Variants in DTNB observed in about 807,000 individuals in gnomAD.
DTNB encodes dystrobrevin beta.
In DTNB, 63 loss-of-function variants were observed where a neutral mutation model predicts 90.7. The observed-to-expected ratio is 0.69, with a 90% CI of 0.57 to 0.86. The LOEUF is 0.86. Among genes scored for constraint, DTNB ranks in the 40% least tolerant of loss-of-function variants. The pLI, the probability that DTNB is intolerant of heterozygous loss-of-function variation, is 0.00. For missense variants in DTNB, 744 were observed against 807.1 expected (o/e 0.92, Z 0.95); for synonymous variants, 277 against 286.7 (o/e 0.97, Z 0.34).
chr2:25,409,978 C>T (rs2046189019), intron 16 of DTNB, among the ~76,000 whole-genome samples: 1 of 152,246 alleles, frequency 6.6e-6, no homozygotes, highest in African/African-American at 2.4e-5. Flanking sequence ...CCCCTCCTAA[C>T]CCAGATCATG....
chr2:25,487,967 T>A (rs2066539289), intron 9 of DTNB, among the ~76,000 whole-genome samples: 1 of 152,166 alleles, frequency 6.6e-6, no homozygotes, highest in Non-Finnish European at 1.5e-5. Flanking sequence ...TTTTAAAAGC[T>A]CACTCCAGAA....
chr2:25,501,090 T>C (rs2070541979), intron 9 of DTNB, among the ~76,000 whole-genome samples: 1 of 151,962 alleles, frequency 6.6e-6, no homozygotes, highest in Non-Finnish European at 1.5e-5. Context: ...AAATAACCAA[T>C]TAGAGGCTTT....
chr2:25,551,560 T>C (rs895683342), intron 8 of DTNB, among the ~76,000 whole-genome samples: 3 of 152,228 alleles, frequency 2.0e-5, no homozygotes, highest in African/African-American at 7.2e-5. Flanking sequence ...CAGGCAGTGT[T>C]AGCGGTTCCC....
intron 1 of DTNB, among the ~76,000 whole-genome samples, chr2:25,653,511 CTTTCTTTT>C (rs1307616609): frequency 1.9e-4 from 16 of 82,816 alleles, no homozygotes; most frequent in African/African-American, 6.9e-4. Context: ...TTCTTTCTTT[CTTTCTTTT>C]TTTTTTTTTT....
At chr2:25,614,236 G>A (rs1055277641) in intron 4 of DTNB, among the ~76,000 whole-genome samples, 2 of 152,142 alleles carry the variant, frequency 1.3e-5, no homozygotes, top group Non-Finnish European at 2.9e-5. Context: ...ACTCAGTGAA[G>A]AAAGACTGAG....
chr2:25,404,097 C>T (rs1323583591), intron 16 of DTNB, among the ~76,000 whole-genome samples: 9 of 152,162 alleles, frequency 5.9e-5, no homozygotes, highest in African/African-American at 9.7e-5. Context: ...ACACTTGGCT[C>T]CATAGAGTGA....
chr2:25,394,390 A>C (rs954452364), intron 16 of DTNB, among the ~76,000 whole-genome samples: 1 of 152,200 alleles, frequency 6.6e-6, no homozygotes, highest in African/African-American at 2.4e-5. Flanking sequence ...AGATAAATAG[A>C]TGGGACTTAA....
intron 8 of DTNB, among the ~76,000 whole-genome samples, chr2:25,562,340 T>C (rs890518170): frequency 6.6e-6 from 1 of 152,334 alleles, no homozygotes; most frequent in Admixed American, 6.5e-5. Context: ...TTGATGGACA[T>C]TTGGGTTATT....
At chr2:25,380,965 A>T (rs1002068502) in intron 19 of DTNB, among the ~76,000 whole-genome samples, 1 of 152,228 alleles carries the variant, frequency 6.6e-6, no homozygotes, top group Non-Finnish European at 1.5e-5. Flanking sequence ...CATGGCCCAC[A>T]CTCAGACTCG....
At chr2:25,460,845 G>T (rs1217926219) in intron 10 of DTNB, among the ~76,000 whole-genome samples, 1 of 151,952 alleles carries the variant, frequency 6.6e-6, no homozygotes, top group Non-Finnish European at 1.5e-5. Flanking sequence ...TTCTGAAATG[G>T]GAAGGAGAGA....
chr2:25,473,829 G>A (rs896714885), intron 10 of DTNB, among the ~76,000 whole-genome samples: 12 of 152,106 alleles, frequency 7.9e-5, no homozygotes, highest in African/African-American at 2.9e-4. Flanking sequence ...AATTTACAAA[G>A]CTTGTCTTCA....
intron 1 of DTNB, among the ~76,000 whole-genome samples, chr2:25,671,902 T>C (rs141928275): frequency 6.6e-6 from 1 of 152,094 alleles, no homozygotes; most frequent in African/African-American, 2.4e-5. Flanking sequence ...TTCCAGCCCT[T>C]ACAGAAAAGC....
intron 8 of DTNB, among the ~76,000 whole-genome samples, chr2:25,556,281 T>C (rs1440488314): frequency 6.7e-6 from 1 of 149,472 alleles, no homozygotes; most frequent in Non-Finnish European, 1.5e-5. Context: ...TCTGGGAGAA[T>C]TCCTATATGA....
intron 8 of DTNB, among the ~76,000 whole-genome samples, chr2:25,550,018 G>A (rs1377236316): frequency 1.3e-5 from 2 of 152,028 alleles, no homozygotes; most frequent in Admixed American, 6.6e-5. Flanking sequence ...ATGCTACTGT[G>A]GTACACTTGC....
intron 10 of DTNB, among the ~76,000 whole-genome samples, chr2:25,478,593 G>A (rs926495404): frequency 6.6e-6 from 1 of 151,806 alleles, no homozygotes; most frequent in Non-Finnish European, 1.5e-5. Context: ...GGCTATTCAC[G>A]GCATGATCAT....
intron 5 of DTNB, among the ~76,000 whole-genome samples, chr2:25,606,700 T>C (rs2067188987): frequency 6.6e-6 from 1 of 152,090 alleles, no homozygotes; most frequent in Admixed American, 6.6e-5. Flanking sequence ...TAATGAATGG[T>C]AAAATGCCAA....
intron 9 of DTNB, among the ~76,000 whole-genome samples, chr2:25,498,117 CA>C (rs375290329): frequency 6.6e-6 from 1 of 152,242 alleles, no homozygotes; most frequent in Non-Finnish European, 1.5e-5. Context: ...CTACACTGTT[CA>C]AACACAGGTC....
Position 25,586,506 on chromosome 2 carries a change from T to C in DTNB, c.604-5680A>G, listed in dbSNP as rs1572970750. Among the ~76,000 whole-genome samples, 3 of 138,912 alleles carry C rather than the reference T, an allele frequency of 2.2e-5. No individual in the cohort carries two copies. In the East Asian group the frequency reaches 6.2e-4, roughly 29 times the overall value. 91.1% of individuals were successfully genotyped at this position (138,912 alleles called of 152,430 possible). A position where few individuals can be genotyped will look rare whatever the true frequency, so the allele number is the denominator to read the frequency against. On this transcript the variant is annotated intron_variant, in intron 6 of 20. Coordinates refer to ENST00000406818, the MANE Select transcript of DTNB (RefSeq NM_021907.5). The stretch of plus-strand genomic sequence containing the variant: ...GCCTGGGCGACAGAGCATGACTCTG[T>C]CTCCAAAAAAAAAAAAAAAAAAAGT...
At chr2:25,659,114 G>A (rs1282708083) in intron 1 of DTNB, among the ~76,000 whole-genome samples, 1 of 151,904 alleles carries the variant, frequency 6.6e-6, no homozygotes, top group Non-Finnish European at 1.5e-5. Flanking sequence ...GAGGATCCCA[G>A]AATGAAAAGC....
Sources: gnomAD v4.1 joint callset for allele counts (sites outside exome capture counted in the v4.1 genomes callset) on GRCh38, gnomAD v4.1.1 for gene constraint, MANE v1.5 for transcripts, NCBI Gene and HGNC (gene_info 2026-07-23, HGNC 2026-07-21) for gene names.